Variants in FAF1 observed in about 807,000 individuals in gnomAD.
FAF1 encodes FAS-associated factor 1.
A neutral mutation model predicts 92.5 loss-of-function variants in FAF1; 25 were observed. The observed-to-expected ratio is 0.27, with a 90% CI of 0.20 to 0.38. The LOEUF (loss-of-function observed/expected upper bound fraction) is 0.38. Among genes scored for constraint, FAF1 ranks in the 10% least tolerant of loss-of-function variants. The pLI is 1.00. For synonymous variants in FAF1, 234 were observed against 273.2 expected, an observed-to-expected ratio of 0.86 and a Z score of 1.42; for missense variants, 636 against 793.3, an observed-to-expected ratio of 0.80 and a Z score of 2.38.
chr1:50,949,011 C>T (rs1645193551), intron 1 of FAF1, among the ~76,000 whole-genome samples: 1 of 152,132 alleles, frequency 6.6e-6, no homozygotes, highest in African/African-American at 2.4e-5. Context: ...AACATCCAAA[C>T]CATGTCATAA....
At chr1:50,760,078 C>G (rs1660260988) in intron 4 of FAF1, among the ~76,000 whole-genome samples, 1 of 151,388 alleles carries the variant, frequency 6.6e-6, no homozygotes, top group African/African-American at 2.4e-5. Context: ...GTAGGTTGCT[C>G]TTTGTCAGAT....
chr1:50,813,613 A>C (rs1643938384), intron 2 of FAF1, among the ~76,000 whole-genome samples: 1 of 152,092 alleles, frequency 6.6e-6, no homozygotes, highest in African/African-American at 2.4e-5. Flanking sequence ...GGCAAGCACC[A>C]CCATGCCCAA....
chr1:50,928,782 CA>C (rs1157426126), intron 1 of FAF1, among the ~76,000 whole-genome samples: 807 of 39,720 alleles, frequency 0.02, 6 homozygotes, highest in African/African-American at 0.066. Flanking sequence ...GACTCCACCT[CA>C]AAAAAAAAAA....
At chr1:50,758,253 C>A (rs1278925119) in intron 4 of FAF1, among the ~76,000 whole-genome samples, 1 of 152,040 alleles carries the variant, frequency 6.6e-6, no homozygotes. Flanking sequence ...AGGGTTTCAC[C>A]ATGTTGGCAA....
chr1:50,829,859 A>T (rs1378063326), intron 2 of FAF1, among the ~76,000 whole-genome samples: 1 of 152,240 alleles, frequency 6.6e-6, no homozygotes, highest in Non-Finnish European at 1.5e-5. Flanking sequence ...AATAAGAAAA[A>T]TATCATTGTA....
At chr1:50,700,781 T>C (rs1463733242) in intron 7 of FAF1, among the ~76,000 whole-genome samples, 1 of 152,088 alleles carries the variant, frequency 6.6e-6, no homozygotes, top group African/African-American at 2.4e-5. Flanking sequence ...TTCTATCGTC[T>C]TGAAATGCAG....
At chr1:50,859,582 C>T (rs1179667687) in intron 1 of FAF1, among the ~76,000 whole-genome samples, 1 of 151,850 alleles carries the variant, frequency 6.6e-6, no homozygotes, top group African/African-American at 2.4e-5. Context: ...AGGAGAACTA[C>T]AAAACACTGC....
At chr1:50,929,071 C>CAAAAAAAAAAAAAAAAAAAAAAAA in intron 1 of FAF1, among the ~76,000 whole-genome samples, 1 of 36,840 alleles carries the variant, frequency 2.7e-5, no homozygotes, top group Non-Finnish European at 5.4e-5. Flanking sequence ...GACACTGTCT[C>CAAAAAAAAAAAAAAAAAAAAAAAA]AAAAAAAAAA....
chr1:50,566,986 C>T, intron 13 of FAF1, 91 bp downstream of exon 13: 1 of 989,156 alleles, frequency 1.0e-6, no homozygotes, highest in Non-Finnish European at 1.4e-6. Flanking sequence ...GAGTTTAATG[C>T]TGAGGATGAA....
intron 2 of FAF1, among the ~76,000 whole-genome samples, chr1:50,831,805 C>CAAAA: frequency 1.2e-5 from 1 of 81,698 alleles, no homozygotes; most frequent in East Asian, 7.5e-4. Context: ...TTATCAGAGA[C>CAAAA]AAAAAAAAAA....
intron 1 of FAF1, among the ~76,000 whole-genome samples, chr1:50,906,336 G>T (rs1171866989): frequency 1.3e-5 from 2 of 151,990 alleles, no homozygotes; most frequent in South Asian, 2.1e-4. Context: ...TTGTTCTTTT[G>T]GCTTACTATT....
At chr1:50,904,996 C>G (rs1644824384) in intron 1 of FAF1, among the ~76,000 whole-genome samples, 1 of 151,708 alleles carries the variant, frequency 6.6e-6, no homozygotes, top group South Asian at 2.1e-4. Flanking sequence ...ATTAACTCAT[C>G]ATTTACATTA....
At chr1:50,765,859 G>A (rs769613258) in intron 4 of FAF1, among the ~76,000 whole-genome samples, 10 of 152,186 alleles carry the variant, frequency 6.6e-5, no homozygotes, top group Non-Finnish European at 1.2e-4. Context: ...GGAAGGCTGA[G>A]GCAGGTGGAT....
At chr1:50,760,239 G>A (rs907177604) in intron 4 of FAF1, among the ~76,000 whole-genome samples, 36 of 152,020 alleles carry the variant, frequency 2.4e-4, no homozygotes, top group Non-Finnish European at 4.4e-4. Context: ...TTAATAATGG[G>A]AGACTTTAAC....
At chr1:50,661,722 T>C (rs1655382361) in intron 7 of FAF1, among the ~76,000 whole-genome samples, 3 of 152,188 alleles carry the variant, frequency 2.0e-5, no homozygotes, top group African/African-American at 4.8e-5. Flanking sequence ...AAATAAGGCA[T>C]ACAAACTAGG....
chr1:50,774,845 A>T (rs1660898872), intron 4 of FAF1, among the ~76,000 whole-genome samples: 1 of 152,146 alleles, frequency 6.6e-6, no homozygotes, highest in South Asian at 2.1e-4. Flanking sequence ...GCTTTAAAAT[A>T]ATTCTTTAAA....
intron 4 of FAF1, among the ~76,000 whole-genome samples, chr1:50,771,452 G>A (rs1381208925): frequency 1.3e-5 from 2 of 152,116 alleles, no homozygotes; most frequent in Non-Finnish European, 2.9e-5. Context: ...TAAAAAGTAG[G>A]CAAAGGACAC....
chr1:50,836,925 G>A (rs1262761003), intron 2 of FAF1, among the ~76,000 whole-genome samples: 2 of 133,164 alleles, frequency 1.5e-5, no homozygotes, highest in South Asian at 5.0e-4. Flanking sequence ...TCTTCCAATT[G>A]TCTCTTACAA....
chr1:50,705,076 T>C (rs374267881), intron 7 of FAF1, among the ~76,000 whole-genome samples: 3 of 152,198 alleles, frequency 2.0e-5, no homozygotes, highest in African/African-American at 7.2e-5. Flanking sequence ...TAATGCAACA[T>C]AGTCATCATT....
Sources: gnomAD v4.1 joint callset for allele counts (sites outside exome capture counted in the v4.1 genomes callset) on GRCh38, gnomAD v4.1.1 for gene constraint, MANE v1.5 for transcripts, NCBI Gene and HGNC (gene_info 2026-07-23, HGNC 2026-07-21) for gene names.